The following EXOC4 variants were observed in gnomAD, a reference collection of about 807,000 sequenced individuals.
EXOC4 encodes the protein exocyst complex component 4.
Under a neutral mutation model 107.2 loss-of-function variants are expected in EXOC4, and 71 were observed. The observed-to-expected ratio is 0.66, with a 90% CI of 0.55 to 0.81. The LOEUF is 0.81. EXOC4 is among the 30% of genes least tolerant of loss of function. The pLI is 0.00. For missense variants in EXOC4, 1,108 were observed against 1,189.6 expected, an observed-to-expected ratio of 0.93 and a Z score of 1.01; for synonymous variants, 456 against 441.2, an observed-to-expected ratio of 1.03 and a Z score of -0.42.
chr7:133,871,229 ACT>A lies in EXOC4; in HGVS notation c.1735-24367_1735-24366del, dbSNP rs1798744580. 2.0e-5 allele frequency among the ~76,000 whole-genome samples: 3 copies of A among 146,548 alleles called. No individual in the cohort carries two copies. The South Asian group carries it at 6.5e-4, about 32-fold the overall frequency. On this transcript the variant is annotated intron_variant, in intron 11 of 17. Coordinates refer to ENST00000253861, the MANE Select transcript of EXOC4 (RefSeq NM_021807.4). The stretch of plus-strand genomic sequence containing the variant: ...TTGTGTTGCTTTTCATCTCTTCCCA[ACT>A]CTGAGTTCAGCAACATTTTTAAGTT...
At chr7:133,885,536 A>T (rs1180629490) in intron 11 of EXOC4, among the ~76,000 whole-genome samples, 1 of 152,218 alleles carries the variant, frequency 6.6e-6, no homozygotes, top group Non-Finnish European at 1.5e-5. Flanking sequence ...GTCACTGATC[A>T]ACAGGAATTA....
chr7:133,612,733 G>T (rs1802098815), intron 9 of EXOC4, among the ~76,000 whole-genome samples: 1 of 152,198 alleles, frequency 6.6e-6, no homozygotes, highest in East Asian at 1.9e-4. Context: ...AGCAGTGAGG[G>T]TGGTGAGAGG....
chr7:133,830,181 A>C (rs966162852), intron 11 of EXOC4, among the ~76,000 whole-genome samples: 3 of 152,190 alleles, frequency 2.0e-5, no homozygotes, highest in African/African-American at 7.2e-5. Flanking sequence ...ACAGGAGCTT[A>C]ATTGCTTCTT....
chr7:133,912,725 A>G (rs1799723495), intron 12 of EXOC4, among the ~76,000 whole-genome samples: 1 of 152,150 alleles, frequency 6.6e-6, no homozygotes, highest in East Asian at 1.9e-4. Context: ...TCCTCATAGA[A>G]CTCATCATCC....
Position 133,881,546 on chromosome 7 carries a change from G to A in EXOC4, c.1735-14053G>A, listed in dbSNP as rs986617228. Among the ~76,000 whole-genome samples the A allele has an allele frequency of 2.0e-5, 3 of 152,110 alleles. No homozygotes were observed. The East Asian group carries it at 5.8e-4, about 29-fold the overall frequency. Reference sequence around the variant, plus strand: ...GTACAATATGCAGATGCCCATCATAGCACCTAGGACATTTTATTGTCCTTA... The same window carrying A: ...GTACAATATGCAGATGCCCATCATAACACCTAGGACATTTTATTGTCCTTA... On this transcript the variant is annotated intron_variant, in intron 11 of 17. Coordinates refer to ENST00000253861, the MANE Select transcript of EXOC4 (RefSeq NM_021807.4).
intron 14 of EXOC4, among the ~76,000 whole-genome samples, chr7:133,992,518 A>C (rs986672475): frequency 6.6e-6 from 1 of 151,860 alleles, no homozygotes; most frequent in African/African-American, 2.4e-5. Flanking sequence ...CCTGGTCTCA[A>C]GTGATTTGCC....
chr7:133,258,374 T>C (rs1467314368), intron 1 of EXOC4, among the ~76,000 whole-genome samples: 1 of 152,180 alleles, frequency 6.6e-6, no homozygotes, highest in East Asian at 1.9e-4. Context: ...TATTTGTACA[T>C]AGATGTGGTC....
intron 12 of EXOC4, among the ~76,000 whole-genome samples, chr7:133,916,169 A>G (rs1426059229): frequency 1.3e-5 from 2 of 152,238 alleles, no homozygotes; most frequent in African/African-American, 2.4e-5. Flanking sequence ...CGTAAGGAGC[A>G]TGTGATCTAG....
chr7:133,433,670 C>A (rs1225731092), intron 7 of EXOC4, among the ~76,000 whole-genome samples: 2 of 152,160 alleles, frequency 1.3e-5, no homozygotes, highest in Non-Finnish European at 2.9e-5. Flanking sequence ...TTTTAAAGAC[C>A]TTCTTTAGGC....
In EXOC4 at chr7:133,968,764, AC is replaced by A. The variant is rs1801131616; in HGVS notation, c.2207-28725del. Among the ~76,000 whole-genome samples, 3 of 151,976 alleles carry A rather than the reference AC, an allele frequency of 2.0e-5. No homozygotes were observed. The South Asian group carries it at 6.3e-4, about 32-fold the overall frequency. ...GGTAACCCGACCTTTCTTTCTGGCT[AC>A]CCTTAACATTTTTCCTTCATTTCAA... On this transcript the variant is annotated intron_variant, in intron 14 of 17. Coordinates refer to ENST00000253861, the MANE Select transcript of EXOC4 (RefSeq NM_021807.4).
intron 9 of EXOC4, among the ~76,000 whole-genome samples, chr7:133,575,250 C>T (rs950945605): frequency 2.0e-5 from 3 of 152,156 alleles, no homozygotes; most frequent in African/African-American, 7.2e-5. Context: ...GCTTGTCTCT[C>T]CTGTTTCTGG....
At chr7:134,019,669 A>G (rs760034588) in intron 17 of EXOC4, among the ~76,000 whole-genome samples, 2 of 152,244 alleles carry the variant, frequency 1.3e-5, no homozygotes, top group Non-Finnish European at 2.9e-5. Context: ...AACTTAGGTC[A>G]ATCCAACCCC....
At chr7:133,474,847 C>T (rs1321707503) in intron 7 of EXOC4, among the ~76,000 whole-genome samples, 1 of 152,088 alleles carries the variant, frequency 6.6e-6, no homozygotes, top group Non-Finnish European at 1.5e-5. Context: ...CTGTAAGCCC[C>T]ATTTCTTTAT....
chr7:133,617,808 TG>T (rs1447109170), intron 9 of EXOC4, among the ~76,000 whole-genome samples: 1 of 152,154 alleles, frequency 6.6e-6, no homozygotes, highest in Non-Finnish European at 1.5e-5. Flanking sequence ...ATACATCCTC[TG>T]GGTAGTGTGA....
At chr7:133,512,537 G>C (rs1799790688) in intron 9 of EXOC4, among the ~76,000 whole-genome samples, 1 of 152,114 alleles carries the variant, frequency 6.6e-6, no homozygotes, top group Non-Finnish European at 1.5e-5. Context: ...AGATGGAGCA[G>C]AGGCAAGAAA....
At chr7:133,769,989 A>G (rs771890766) in intron 10 of EXOC4, among the ~76,000 whole-genome samples, 24 of 151,974 alleles carry the variant, frequency 1.6e-4, no homozygotes, top group Admixed American at 4.6e-4. Context: ...TCATGAAAGT[A>G]ATCAAATTAT....
At chr7:133,697,465 A>G (rs1794561268) in intron 10 of EXOC4, among the ~76,000 whole-genome samples, 1 of 152,204 alleles carries the variant, frequency 6.6e-6, no homozygotes, top group Non-Finnish European at 1.5e-5. Context: ...AAAACGAGTT[A>G]ATGTTAGAAT....
Position 133,694,329 on chromosome 7 carries a change from G to A in EXOC4, c.1514+64188G>A, listed in dbSNP as rs1315308888. ...ACCTATGGAAGCAGAAACACTGAAT[G>A]TTGGGCCCTGAAATCTGCATTTTTA... On this transcript the variant is annotated intron_variant, in intron 10 of 17. Transcript: ENST00000253861. Among the ~76,000 whole-genome samples, 4 of 151,236 alleles carry A rather than the reference G, an allele frequency of 2.6e-5. No homozygotes were observed. The East Asian group carries it at 7.8e-4, about 29-fold the overall frequency.
chr7:133,820,383 C>A (rs1020760699), intron 11 of EXOC4, among the ~76,000 whole-genome samples: 3 of 151,742 alleles, frequency 2.0e-5, no homozygotes, highest in African/African-American at 7.3e-5. Flanking sequence ...TAATAATTCC[C>A]CATACTCAAG....
Sources: gnomAD v4.1 joint callset for allele counts (sites outside exome capture counted in the v4.1 genomes callset) on GRCh38, gnomAD v4.1.1 for gene constraint, MANE v1.5 for transcripts, NCBI Gene and HGNC (gene_info 2026-07-23, HGNC 2026-07-21) for gene names.